Variants in LGR5 observed in about 807,000 individuals in gnomAD.
The protein encoded by LGR5 is leucine-rich repeat-containing G protein-coupled receptor 5.
In LGR5, 54 loss-of-function variants were observed where a neutral mutation model predicts 76.7. That is an observed-to-expected ratio of 0.70 (90% CI 0.57 to 0.88). The LOEUF is 0.88. Ranked by LOEUF, LGR5 falls within the 40% of genes least tolerant of loss-of-function variation. LGR5 has a pLI of 0.00. For missense variants in LGR5, 1,078 were observed against 1,073.3 expected, an observed-to-expected ratio of 1.00 and a Z score of -0.06; for synonymous variants, 406 against 421.9, an observed-to-expected ratio of 0.96 and a Z score of 0.46.
intron 1 of LGR5, among the ~76,000 whole-genome samples, chr12:71,467,618 A>G (rs553048199): frequency 6.6e-6 from 1 of 152,308 alleles, no homozygotes; most frequent in Non-Finnish European, 1.5e-5. Flanking sequence ...TAACTTCAGT[A>G]ATAATTAGTA....
intron 13 of LGR5, 99 bp downstream of exon 13, chr12:71,573,020 G>T (rs2137458561): frequency 1.2e-6 from 1 of 818,666 alleles, no homozygotes; most frequent in East Asian, 2.6e-5. Context: ...CTATTGTGGT[G>T]GGACTTTTGT....
rs1340932641 is a variant in LGR5, at chr12:71,572,910, C to A, written c.1197C>A (p.Ser399Arg). Residue 399 changes from serine to arginine, a missense_variant, in exon 13 of 18, where the codon AGC becomes AGA. Physicochemically the swap from Ser to Arg is moderately radical, Grantham distance 110 (BLOSUM62 -1). Transcript: ENST00000266674. Reference protein sequence around the residue: ...IKVDTFQQLLSLRSLNLAWNK... With the variant: ...IKVDTFQQLLRLRSLNLAWNK... ...TTGACACTTTCCAGCAGTTGCTTAG[C>A]CTCCGATCGCTGTGAGTATCACCTC... The A allele has an allele frequency of 6.2e-7, 1 of 1,613,006 alleles. No individual in the cohort carries two copies. The highest frequency in any genetic ancestry group is 1.3e-5 in the African/African-American group (1 of 74,888).
At chr12:71,474,581 C>A (rs138302571) in intron 1 of LGR5, among the ~76,000 whole-genome samples, 11 of 152,102 alleles carry the variant, frequency 7.2e-5, no homozygotes, top group Admixed American at 6.6e-5. Context: ...AGTTTATAAA[C>A]GGATGGTTTA....
At chr12:71,544,295 CTT>C (rs1212836974) in intron 4 of LGR5, among the ~76,000 whole-genome samples, 1 of 86,608 alleles carries the variant, frequency 1.2e-5, no homozygotes, top group East Asian at 3.6e-4. Context: ...TTTTCTTCGT[CTT>C]TTTTTTTTTC....
At chr12:71,569,895 C>T (rs1468659418) in intron 11 of LGR5, among the ~76,000 whole-genome samples, 3 of 152,168 alleles carry the variant, frequency 2.0e-5, no homozygotes, top group Non-Finnish European at 4.4e-5. Flanking sequence ...GTAGCAAAGA[C>T]ATGGAATCAA....
chr12:71,466,455 A>G (rs1872867777), intron 1 of LGR5, among the ~76,000 whole-genome samples: 3 of 152,214 alleles, frequency 2.0e-5, no homozygotes. Context: ...TCATGTAAAG[A>G]AGTCACCTTG....
chr12:71,501,126 A>G, intron 1 of LGR5, among the ~76,000 whole-genome samples: 1 of 152,224 alleles, frequency 6.6e-6, no homozygotes, highest in Admixed American at 6.5e-5. Context: ...AAGAGTAAAT[A>G]ATGCACAGGC....
In LGR5 at chr12:71,556,561, A is replaced by T. The variant is rs562372848; in HGVS notation, c.645-58A>T. 4.0e-5 allele frequency: 43 copies of T among 1,082,886 alleles called. No individual in the cohort carries two copies. In the South Asian group the frequency reaches 5.0e-4, roughly 13 times the overall value. 67.1% of individuals were successfully genotyped at this position (1,082,886 alleles called of 1,614,324 possible). ...GTTTCTTTGGATTTAAGCTATCAAA[A>T]TGTTAAGTGTGGTCTGTGCAGTGTG... On this transcript the variant is annotated intron_variant, in intron 5 of 17. Coordinates refer to ENST00000266674, the MANE Select transcript of LGR5 (RefSeq NM_003667.4).
intron 1 of LGR5, among the ~76,000 whole-genome samples, chr12:71,450,470 ACTT>A (rs1353143450): frequency 6.6e-6 from 1 of 152,142 alleles, no homozygotes; most frequent in Non-Finnish European, 1.5e-5. Flanking sequence ...GTTGTCATTT[ACTT>A]CTTTTTTCTT....
chr12:71,576,867 A>G (rs1878878722), intron 13 of LGR5, among the ~76,000 whole-genome samples: 1 of 152,136 alleles, frequency 6.6e-6, no homozygotes, highest in South Asian at 2.1e-4. Context: ...GCAGCTCAAC[A>G]GAAGACAGTC....
At chr12:71,531,195 G>A (rs1876290781) in intron 3 of LGR5, among the ~76,000 whole-genome samples, 2 of 152,104 alleles carry the variant, frequency 1.3e-5, no homozygotes, top group Admixed American at 1.3e-4. Context: ...AGTTTTAAGT[G>A]CCTACACCTA....
chr12:71,584,083 G>A lies in LGR5; in HGVS notation c.2073G>A (p.Leu691=), dbSNP rs1375265172. The A allele has an allele frequency of 6.2e-7, 1 of 1,614,086 alleles. No homozygotes were observed. The highest frequency in any genetic ancestry group is 8.5e-7 in the Non-Finnish European group (1 of 1,180,048). The change falls in exon 18 of 18, where the codon CTG becomes CTA. Residue 691 remains leucine (L), a synonymous_variant. Transcript: ENST00000266674. ...TAATCATTTTGCTCTGTGCCCTGCTGGCCTTGACCATGGCCGCAGTTCCCC... is the reference window on the plus strand; with the variant it reads ...TAATCATTTTGCTCTGTGCCCTGCTAGCCTTGACCATGGCCGCAGTTCCCC... ...LKVIILLCAL[L]ALTMAAVPLL...
intron 3 of LGR5, among the ~76,000 whole-genome samples, chr12:71,530,837 C>T (rs1483035158): frequency 2.0e-5 from 3 of 151,918 alleles, no homozygotes; most frequent in African/African-American, 7.3e-5. Context: ...CATGTAGACC[C>T]AGAATAGAGC....
intron 1 of LGR5, among the ~76,000 whole-genome samples, chr12:71,494,188 T>C (rs201055935): frequency 2.7e-5 from 4 of 150,856 alleles, no homozygotes; most frequent in Non-Finnish European, 5.9e-5. Flanking sequence ...CCTCGTGATC[T>C]GCCCGCCTCG....
chr12:71,557,147 G>A (rs941655062), intron 6 of LGR5, among the ~76,000 whole-genome samples: 6 of 152,126 alleles, frequency 3.9e-5, no homozygotes, highest in East Asian at 1.9e-4. Flanking sequence ...GGGACTGGGC[G>A]TGGTGACTCA....
chr12:71,533,170 C>T (rs1038265329), intron 3 of LGR5, among the ~76,000 whole-genome samples: 2 of 151,972 alleles, frequency 1.3e-5, no homozygotes, highest in African/African-American at 4.8e-5. Flanking sequence ...CATGGTGAAA[C>T]CCCATCTCTA....
chr12:71,580,539 T>A, intron 16 of LGR5, 116 bp downstream of exon 16: 1 of 1,033,938 alleles, frequency 9.7e-7, no homozygotes, highest in Non-Finnish European at 1.4e-6. Context: ...CACACACCTG[T>A]AATCCCAACA....
intron 1 of LGR5, among the ~76,000 whole-genome samples, chr12:71,475,953 G>A (rs567694449): frequency 5.9e-5 from 9 of 152,238 alleles, no homozygotes; most frequent in African/African-American, 2.2e-4. Context: ...TTGAGAGTTA[G>A]CTTGGAGATT....
intron 8 of LGR5, 74 bp downstream of exon 8, chr12:71,561,926 T>C: frequency 2.2e-6 from 2 of 895,920 alleles, no homozygotes. Context: ...ATACAATGAA[T>C]ATTCTATATT....
Sources: allele counts gnomAD v4.1 joint callset (sites outside exome capture counted in the v4.1 genomes callset), GRCh38; gene constraint gnomAD v4.1.1; transcripts MANE v1.5; gene names NCBI Gene and HGNC (gene_info 2026-07-23, HGNC 2026-07-21).